Variants in GARIN5A observed in about 807,000 individuals in gnomAD.
The protein encoded by GARIN5A is Golgi-associated RAB2 interactor protein 5A.
At chr19:50,467,559 C>T in the GARIN5A span, 5 of 1,531,066 alleles carry the variant, frequency 3.3e-6, no homozygotes, top group South Asian at 1.2e-5. Context: ...TCCTCACCTC[C>T]TCCCACTCCC....
chr19:50,475,047 C>A, the GARIN5A span, among the ~76,000 whole-genome samples: 2 of 152,150 alleles, frequency 1.3e-5, no homozygotes, highest in Admixed American at 6.5e-5. Context: ...GGCCTAGGGG[C>A]GTCTGGCATG....
the GARIN5A span, chr19:50,476,173 C>G: frequency 6.2e-7 from 1 of 1,613,680 alleles, no homozygotes; most frequent in South Asian, 1.1e-5. Flanking sequence ...CACCCAGGGC[C>G]GGCTTAGGGC....
the GARIN5A span, among the ~76,000 whole-genome samples, chr19:50,471,851 C>T: frequency 5.0e-3 from 746 of 149,542 alleles, 10 homozygotes; most frequent in East Asian, 0.025. Context: ...TGTGCATACG[C>T]ATACATACAT....
the GARIN5A span, chr19:50,467,886 G>A: frequency 5.7e-5 from 88 of 1,548,768 alleles, no homozygotes; most frequent in East Asian, 5.1e-4. Flanking sequence ...CTCCAGCACC[G>A]TCGGGGTCAG....
chr19:50,471,865 T>C, the GARIN5A span, among the ~76,000 whole-genome samples: 1 of 152,014 alleles, frequency 6.6e-6, no homozygotes, highest in African/African-American at 2.4e-5. Context: ...CATACATGTG[T>C]ATATGTATGC....
the GARIN5A span, among the ~76,000 whole-genome samples, chr19:50,473,618 C>G: frequency 1.3e-5 from 2 of 152,132 alleles, no homozygotes; most frequent in East Asian, 3.9e-4. Flanking sequence ...CCTCAGCCTC[C>G]CAAAGTGCTG....
the GARIN5A span, among the ~76,000 whole-genome samples, chr19:50,472,980 C>G: frequency 2.6e-5 from 4 of 152,126 alleles, no homozygotes; most frequent in African/African-American, 9.7e-5. Context: ...GCCCGGAGTT[C>G]AAGACCAGCC....
At chr19:50,472,184 A>G in the GARIN5A span, among the ~76,000 whole-genome samples, 1 of 141,588 alleles carries the variant, frequency 7.1e-6, no homozygotes, top group South Asian at 2.1e-4. Flanking sequence ...ATATGTATGT[A>G]TACATGTATG....
the GARIN5A span, chr19:50,475,923 C>T: frequency 2.5e-6 from 4 of 1,613,574 alleles, no homozygotes; most frequent in Non-Finnish European, 3.4e-6. Context: ...TGGGACGGCC[C>T]GTGGGAGAGG....
At chr19:50,467,407 C>T in the GARIN5A span, 1 of 591,302 alleles carries the variant, frequency 1.7e-6, no homozygotes, top group Non-Finnish European at 3.0e-6. Flanking sequence ...CCCCTCCTCC[C>T]TCAGACCCAG....
chr19:50,475,420 G>T, the GARIN5A span: 7 of 1,609,758 alleles, frequency 4.3e-6, no homozygotes, highest in Admixed American at 5.0e-5. Context: ...CCACCCCCAT[G>T]GTGACCTCGT....
chr19:50,471,726 ATGC>A, the GARIN5A span, among the ~76,000 whole-genome samples: 2 of 146,568 alleles, frequency 1.4e-5, no homozygotes, highest in South Asian at 4.2e-4. Context: ...ATACGCATAC[ATGC>A]ACGTGTGTGT....
chr19:50,469,208 C>T, the GARIN5A span, among the ~76,000 whole-genome samples: 2 of 152,218 alleles, frequency 1.3e-5, no homozygotes, highest in African/African-American at 2.4e-5. Flanking sequence ...CATGAACACA[C>T]CAGGCTCAGT....
chr19:50,476,347 AG>A, the GARIN5A span: 1 of 1,579,318 alleles, frequency 6.3e-7, no homozygotes, highest in Non-Finnish European at 8.6e-7. Flanking sequence ...ACGTCCCTGG[AG>A]GGGGCGGCTC....
At chr19:50,475,934 C>T in the GARIN5A span, 2 of 1,612,994 alleles carry the variant, frequency 1.2e-6, no homozygotes, top group Middle Eastern at 3.3e-4. Flanking sequence ...GTGGGAGAGG[C>T]TGCAACCAGG....
chr19:50,472,172 G>A, the GARIN5A span, among the ~76,000 whole-genome samples: 1 of 144,202 alleles, frequency 6.9e-6, no homozygotes, highest in African/African-American at 2.8e-5. Context: ...GTATACGTGT[G>A]TATATGTATG....
chr19:50,476,288 G>C, the GARIN5A span: 1 of 1,603,948 alleles, frequency 6.2e-7, no homozygotes, highest in African/African-American at 1.3e-5. Flanking sequence ...GTCATGATGC[G>C]GAGCGGGCTT....
chr19:50,475,829 CTACCTG>C, the GARIN5A span: 1 of 1,608,788 alleles, frequency 6.2e-7, no homozygotes. Flanking sequence ...CTGGGGCTCC[CTACCTG>C]TACGAAGTTG....
chr19:50,471,638 G>GTGTATACA, the GARIN5A span, among the ~76,000 whole-genome samples: 2 of 150,632 alleles, frequency 1.3e-5, no homozygotes, highest in African/African-American at 4.9e-5. Context: ...GTATACATGT[G>GTGTATACA]TGTATATACG....
Sources: allele counts gnomAD v4.1 joint callset (sites outside exome capture counted in the v4.1 genomes callset), GRCh38; gene constraint gnomAD v4.1.1; transcripts MANE v1.5; gene names NCBI Gene and HGNC (gene_info 2026-07-23, HGNC 2026-07-21).